Variants in MBD5 observed in about 807,000 individuals in gnomAD.
MBD5 encodes the protein methyl-CpG-binding domain protein 5.
A neutral mutation model predicts 117.3 loss-of-function variants in MBD5; 13 were observed. The ratio of observed to expected loss-of-function variants is 0.11; its 90% CI spans 0.07 to 0.18. The LOEUF (loss-of-function observed/expected upper bound fraction) is 0.18. MBD5 is among the 10% of genes least tolerant of loss of function. The probability of loss-of-function intolerance (pLI) is 1.00; values close to 1 mark genes in which losing one functional copy is unlikely to be tolerated. For missense variants in MBD5, 1,879 were observed against 2,093.8 expected (o/e 0.90, Z 2.00); for synonymous variants, 727 against 766.4 (o/e 0.95, Z 0.85).
intron 4 of MBD5, among the ~76,000 whole-genome samples, chr2:148,439,528 C>G (rs577538350): frequency 2.6e-5 from 4 of 152,166 alleles, no homozygotes; most frequent in African/African-American, 9.6e-5. Flanking sequence ...ACAAGATATT[C>G]TATACTCCTC....
intron 4 of MBD5, among the ~76,000 whole-genome samples, chr2:148,394,626 A>G (rs1019245623): frequency 1.3e-5 from 2 of 150,900 alleles, no homozygotes; most frequent in South Asian, 2.1e-4. Flanking sequence ...AGTCTCAACA[A>G]AAGTATGCTT....
intron 1 of MBD5, among the ~76,000 whole-genome samples, chr2:148,040,685 C>A (rs1172522861): frequency 1.3e-5 from 2 of 152,010 alleles, no homozygotes; most frequent in African/African-American, 4.8e-5. Context: ...ATATGTGTAT[C>A]CATTAATTTA....
At chr2:148,182,867 C>G (rs185769214) in intron 2 of MBD5, among the ~76,000 whole-genome samples, 7 of 152,238 alleles carry the variant, frequency 4.6e-5, no homozygotes, top group East Asian at 1.9e-4. Flanking sequence ...TGCCCACATT[C>G]AACTGAGCCA....
Position 148,502,285 on chromosome 2 carries a change from T to C in MBD5, c.4963-151T>C, listed in dbSNP as rs73965445. The C allele has an allele frequency of 4.8e-4, 343 of 713,470 alleles. 2 individuals carry two copies. The African/African-American group carries it at 5.7e-3, about 12-fold the overall frequency. The allele number at this position is 713,470 out of a possible 1,614,324, so 44.2% of individuals were successfully genotyped here. ...GAGCCACAGAATCAACCTCTAATGATTGAGTGAGGACAGAAGATTTGACAA... is the reference window on the plus strand; with the variant it reads ...GAGCCACAGAATCAACCTCTAATGACTGAGTGAGGACAGAAGATTTGACAA... On this transcript the variant is annotated intron_variant, in intron 11 of 13. Coordinates refer to ENST00000642680, the MANE Select transcript of MBD5 (RefSeq NM_001378120.1).
At chr2:148,106,930 A>G (rs1037192752) in intron 1 of MBD5, among the ~76,000 whole-genome samples, 3 of 151,980 alleles carry the variant, frequency 2.0e-5, no homozygotes, top group Admixed American at 1.3e-4. Flanking sequence ...GTTTACTCAC[A>G]TATTTATCAT....
intron 1 of MBD5, among the ~76,000 whole-genome samples, chr2:148,172,869 AG>A (rs1698294362): frequency 6.6e-6 from 1 of 152,030 alleles, no homozygotes; most frequent in Non-Finnish European, 1.5e-5. Flanking sequence ...CTTAATTACC[AG>A]CCTGCAGAAA....
chr2:148,335,846 A>G (rs1365421302), intron 3 of MBD5, among the ~76,000 whole-genome samples: 1 of 152,252 alleles, frequency 6.6e-6, no homozygotes, highest in Non-Finnish European at 1.5e-5. Context: ...CATGTATGAA[A>G]TGATTTTTGA....
intron 13 of MBD5, among the ~76,000 whole-genome samples, chr2:148,510,353 T>A (rs559449543): frequency 6.6e-6 from 1 of 152,390 alleles, no homozygotes; most frequent in African/African-American, 2.4e-5. Flanking sequence ...TAAGTAATTT[T>A]GTTTTGCCAC....
chr2:148,062,184 C>G (rs1695054354), intron 1 of MBD5: 1 of 151,150 alleles, frequency 6.6e-6, no homozygotes, highest in South Asian at 2.1e-4. Context: ...TAGATGTAAC[C>G]ATATGGATAT....
intron 12 of MBD5, among the ~76,000 whole-genome samples, chr2:148,502,713 G>A (rs764931455): frequency 3.3e-5 from 5 of 152,116 alleles, no homozygotes; most frequent in Non-Finnish European, 5.9e-5. Context: ...TTTACACTAT[G>A]TGTAATATTT....
At chr2:148,400,206 A>G (rs1559055380) in intron 4 of MBD5, among the ~76,000 whole-genome samples, 1 of 151,786 alleles carries the variant, frequency 6.6e-6, no homozygotes, top group Non-Finnish European at 1.5e-5. Context: ...TCCTTTTTTA[A>G]CTTTTTCTTT....
At chr2:148,490,742 T>G in intron 11 of MBD5, 148 bp downstream of exon 11, 1 of 945,344 alleles carries the variant, frequency 1.1e-6, no homozygotes, top group Non-Finnish European at 1.6e-6. Flanking sequence ...GAGCATAAAA[T>G]GAAGAGGGGA....
Position 148,483,869 on chromosome 2 carries a change from T to A in MBD5, c.3278T>A (p.Val1093Asp). 2.6e-6 allele frequency: 4 copies of A among 1,550,576 alleles called. No individual in the cohort carries two copies. The highest frequency in any genetic ancestry group is 3.5e-6 in the Non-Finnish European group (4 of 1,146,964). The change falls in exon 9 of 14, where the codon GTC (valine) becomes GAC (aspartate). Residue 1093 changes from valine (V) to aspartate (D), a missense_variant. Val to Asp is a radical substitution (Grantham distance 152). Coordinates refer to ENST00000642680, the MANE Select transcript of MBD5 (RefSeq NM_001378120.1). ...TTGAATCCCCAGCTGTTGGGAGGTG[T>A]CCTGAACTCGGCATCGGCCAACACC... ...MTLNPQLLGG[V>D]LNSASANTAN... is the part of the protein sequence containing the mutation.
At chr2:148,423,629 G>A (rs545925734) in intron 4 of MBD5, among the ~76,000 whole-genome samples, 1 of 152,236 alleles carries the variant, frequency 6.6e-6, no homozygotes, top group African/African-American at 2.4e-5. Context: ...ACACTATGAA[G>A]AAACTGAATC....
intron 1 of MBD5, among the ~76,000 whole-genome samples, chr2:148,163,723 A>C (rs764321119): frequency 6.6e-6 from 1 of 152,212 alleles, no homozygotes; most frequent in Non-Finnish European, 1.5e-5. Context: ...GCCGAGAATT[A>C]AATAACTTAA....
chr2:148,305,302 G>C (rs1324693914), intron 3 of MBD5, among the ~76,000 whole-genome samples: 1 of 152,162 alleles, frequency 6.6e-6, no homozygotes, highest in Non-Finnish European at 1.5e-5. Context: ...TCAAAGGAAA[G>C]AAGAGTCAAT....
chr2:148,507,980 T>C (rs1277336668), intron 12 of MBD5, among the ~76,000 whole-genome samples: 1 of 152,216 alleles, frequency 6.6e-6, no homozygotes, highest in Non-Finnish European at 1.5e-5. Flanking sequence ...ATAAAACTTG[T>C]TAATACGTCA....
Position 148,469,660 on chromosome 2 carries a change from T to C in MBD5, c.1717T>C (p.Ser573Pro). ...GATCTTGAACCAGCACAATGCTGCCTCCTTTCCAGCAAGTAGTTTACTCTC... is the reference window on the plus strand; with the variant it reads ...GATCTTGAACCAGCACAATGCTGCCCCCTTTCCAGCAAGTAGTTTACTCTC... Reference protein sequence around the residue: ...NQILNQHNAASFPASSLLSAA... With the variant: ...NQILNQHNAAPFPASSLLSAA... The change falls in exon 8 of 14, where the codon TCC becomes CCC. Residue 573 changes from serine to proline, a missense_variant. Ser to Pro is a moderately conservative substitution (Grantham distance 74, BLOSUM62 -1). This residue lies in a region of MBD5 where 1,666 missense variants were observed against 1,792.2 expected (regional missense o/e 0.93). Transcript: ENST00000642680. 6.2e-7 allele frequency: 1 copy of C among 1,613,976 alleles called. No homozygotes were observed. The highest frequency in any genetic ancestry group is 8.5e-7 in the Non-Finnish European group (1 of 1,179,914).
At chr2:148,401,364 A>C (rs947019892) in intron 4 of MBD5, among the ~76,000 whole-genome samples, 20 of 152,098 alleles carry the variant, frequency 1.3e-4, no homozygotes, top group African/African-American at 3.4e-4. Flanking sequence ...CAAAAAAAAA[A>C]CATAGAAACA....
Sources: gnomAD v4.1 joint callset for allele counts (sites outside exome capture counted in the v4.1 genomes callset) on GRCh38, gnomAD v4.1.1 for gene constraint, gnomAD v4.1.1 regional missense constraint, MANE v1.5 for transcripts, NCBI Gene and HGNC (gene_info 2026-07-23, HGNC 2026-07-21) for gene names.